Variants in PAPPA observed in about 807,000 individuals in gnomAD.
The protein encoded by PAPPA is pappalysin 1.
In PAPPA, 60 loss-of-function variants were observed where a neutral mutation model predicts 164.0. That is an observed-to-expected ratio of 0.37 (90% CI 0.30 to 0.45). The LOEUF is 0.45. Among genes scored for constraint, PAPPA ranks in the 20% least tolerant of loss-of-function variants. The pLI is 1.00. For synonymous variants in PAPPA, 875 were observed against 814.1 expected (o/e 1.07, Z -1.27); for missense variants, 1,782 against 2,087.3 (o/e 0.85, Z 2.85).
At chr9:116,247,778 G>A (rs754997748) in intron 7 of PAPPA, among the ~76,000 whole-genome samples, 4 of 152,118 alleles carry the variant, frequency 2.6e-5, no homozygotes, top group Admixed American at 6.5e-5. Flanking sequence ...TTTATGTTGT[G>A]TCTGTTAAAA....
At chr9:116,315,055 G>A (rs1845771196) in intron 10 of PAPPA, among the ~76,000 whole-genome samples, 1 of 152,156 alleles carries the variant, frequency 6.6e-6, no homozygotes, top group African/African-American at 2.4e-5. Flanking sequence ...ATTAAATGAT[G>A]TTGTTGGGAA....
chr9:116,258,167 G>C (rs1844954485), intron 7 of PAPPA, among the ~76,000 whole-genome samples: 1 of 151,974 alleles, frequency 6.6e-6, no homozygotes, highest in African/African-American at 2.4e-5. Context: ...CAAATACACT[G>C]ATACATTCAA....
chr9:116,276,734 C>T (rs142117201), intron 9 of PAPPA, among the ~76,000 whole-genome samples: 72 of 152,264 alleles, frequency 4.7e-4, no homozygotes, highest in East Asian at 4.3e-3. Flanking sequence ...TCTTCTCTCC[C>T]CTACTCCTGC....
chr9:116,205,621 GC>G (rs1564183480), intron 2 of PAPPA, among the ~76,000 whole-genome samples: 1 of 152,054 alleles, frequency 6.6e-6, no homozygotes, highest in Non-Finnish European at 1.5e-5. Context: ...TTTGTACTTG[GC>G]CTTGTCTCCA....
At chr9:116,396,413 C>T (rs1846963692) in intron 21 of PAPPA, 96 bp from the exon 22 acceptor site, 1 of 743,968 alleles carries the variant, frequency 1.3e-6, no homozygotes, top group Admixed American at 2.0e-5. Flanking sequence ...GAACCTTCTG[C>T]TCCTCAAATC....
intron 18 of PAPPA, among the ~76,000 whole-genome samples, chr9:116,363,335 A>C (rs889737098): frequency 6.6e-6 from 1 of 152,178 alleles, no homozygotes; most frequent in African/African-American, 2.4e-5. Context: ...GACCCATCCT[A>C]TTCCAAAGTC....
At chr9:116,197,753 T>C (rs993126650) in intron 2 of PAPPA, among the ~76,000 whole-genome samples, 94 of 152,364 alleles carry the variant, frequency 6.2e-4, no homozygotes, top group African/African-American at 2.2e-3. Context: ...GTACGGCCTG[T>C]ATTGTTTTAA....
intron 7 of PAPPA, among the ~76,000 whole-genome samples, chr9:116,245,196 C>T (rs920505711): frequency 6.6e-6 from 1 of 152,008 alleles, no homozygotes; most frequent in African/African-American, 2.4e-5. Context: ...TGGGCAATTA[C>T]TTAAGGGGCA....
At chr9:116,369,460 G>A (rs1234455287) in intron 19 of PAPPA, among the ~76,000 whole-genome samples, 1 of 152,164 alleles carries the variant, frequency 6.6e-6, no homozygotes, top group Non-Finnish European at 1.5e-5. Flanking sequence ...AGCTGGACTT[G>A]TGATTGGCAG....
intron 21 of PAPPA, among the ~76,000 whole-genome samples, chr9:116,386,579 G>A (rs1846815525): frequency 6.6e-6 from 1 of 152,142 alleles, no homozygotes; most frequent in Non-Finnish European, 1.5e-5. Context: ...GCAAATGAGT[G>A]GGGAAGCCCA....
chr9:116,345,989 C>G (rs1236941566), intron 14 of PAPPA, among the ~76,000 whole-genome samples: 1 of 152,176 alleles, frequency 6.6e-6, no homozygotes, highest in Admixed American at 6.5e-5. Context: ...TTGTACAGAA[C>G]TTCTGGACTT....
At chr9:116,223,577 C>T (rs1041973123) in intron 5 of PAPPA, among the ~76,000 whole-genome samples, 29 of 152,240 alleles carry the variant, frequency 1.9e-4, no homozygotes, top group African/African-American at 3.4e-4. Context: ...AGTTATCATA[C>T]GTTAAATTAA....
At chr9:116,320,608 G>A (rs1845842204) in intron 10 of PAPPA, among the ~76,000 whole-genome samples, 2 of 152,114 alleles carry the variant, frequency 1.3e-5, no homozygotes, top group South Asian at 4.1e-4. Context: ...CTTTAAGGCA[G>A]GCATCAAAGG....
Position 116,158,897 on chromosome 9 carries a change from C to T in PAPPA, c.415+4310C>T, listed in dbSNP as rs529031890. Among the ~76,000 whole-genome samples the T allele has an allele frequency of 1.4e-3, 208 of 152,282 alleles. 3 individuals are homozygous for T. Among genetic ancestry groups the T allele is most frequent in the Non-Finnish European group, 1.5e-3 (99 of 68,006 alleles). On this transcript the variant is annotated intron_variant, in intron 1 of 21. Coordinates refer to ENST00000328252, the MANE Select transcript of PAPPA (RefSeq NM_002581.5). Reference sequence around the variant, plus strand: ...CCCACAGGTTCTCAGTGGAGAGAGCCTAGATGTGAACCCAAGTCCTCGTTT... The same window carrying T: ...CCCACAGGTTCTCAGTGGAGAGAGCTTAGATGTGAACCCAAGTCCTCGTTT...
At chr9:116,196,588 C>T (rs893366273) in intron 2 of PAPPA, among the ~76,000 whole-genome samples, 2 of 152,216 alleles carry the variant, frequency 1.3e-5, no homozygotes, top group African/African-American at 2.4e-5. Flanking sequence ...GGCAGTTTTC[C>T]ACCTCCTGAG....
intron 1 of PAPPA, among the ~76,000 whole-genome samples, chr9:116,184,286 G>A (rs186972784): frequency 6.6e-6 from 1 of 152,258 alleles, no homozygotes; most frequent in Admixed American, 6.5e-5. Context: ...GGAGTCAGTG[G>A]GGAGGCAGCT....
chr9:116,323,109 C>A (rs945094450), intron 10 of PAPPA, among the ~76,000 whole-genome samples: 1 of 152,158 alleles, frequency 6.6e-6, no homozygotes, highest in African/African-American at 2.4e-5. Context: ...GTCTCCCTGC[C>A]TTTGTGTACA....
chr9:116,284,969 GC>G (rs1313405080), intron 9 of PAPPA, among the ~76,000 whole-genome samples: 2 of 151,854 alleles, frequency 1.3e-5, no homozygotes. Flanking sequence ...CAATCTACCT[GC>G]CCATAGGTGA....
chr9:116,228,641 A>G (rs1204171445), intron 6 of PAPPA, among the ~76,000 whole-genome samples: 1 of 152,152 alleles, frequency 6.6e-6, no homozygotes, highest in Non-Finnish European at 1.5e-5. Context: ...AAACAAATCC[A>G]TCTGGAATGT....
Sources: gnomAD v4.1 joint callset for allele counts (sites outside exome capture counted in the v4.1 genomes callset) on GRCh38, gnomAD v4.1.1 for gene constraint, MANE v1.5 for transcripts, NCBI Gene and HGNC (gene_info 2026-07-23, HGNC 2026-07-21) for gene names.